Variants in EYA1 observed in about 807,000 individuals in gnomAD.
EYA1 encodes the protein protein phosphatase EYA1.
A neutral mutation model predicts 82.0 loss-of-function variants in EYA1; 16 were observed. The observed-to-expected ratio is 0.20, with a 90% confidence interval of 0.13 to 0.30. EYA1 has a LOEUF of 0.30. Ranked by LOEUF, EYA1 falls within the 10% of genes least tolerant of loss-of-function variation. The pLI is 1.00. For missense variants in EYA1, 633 were observed against 730.7 expected (o/e 0.87, Z 1.54); for synonymous variants, 261 against 264.4 (o/e 0.99, Z 0.12).
chr8:71,495,690 A>C (rs1811361670), intron 2 of EYA1, among the ~76,000 whole-genome samples: 1 of 152,226 alleles, frequency 6.6e-6, no homozygotes, highest in South Asian at 2.1e-4. Context: ...TTCAGTTGTA[A>C]GACAACATTC....
chr8:71,353,486 C>T (rs6992926), intron 3 of EYA1, among the ~76,000 whole-genome samples: 17 of 151,964 alleles, frequency 1.1e-4, no homozygotes, highest in Non-Finnish European at 2.2e-4. Context: ...CTGCTACATC[C>T]GCAAAATTTC....
intron 7 of EYA1, among the ~76,000 whole-genome samples, chr8:71,308,534 T>C (rs1820974417): frequency 6.6e-6 from 1 of 151,990 alleles, no homozygotes; most frequent in South Asian, 2.1e-4. Context: ...TAAGCAATTT[T>C]AGTTTTAAAA....
intron 7 of EYA1, 34 bp from the exon 8 acceptor site, chr8:71,299,754 A>ACAAGCCTGGTATAATC: frequency 1.8e-6 from 2 of 1,129,938 alleles, no homozygotes; most frequent in Non-Finnish European, 2.7e-6. Context: ...CGATTATACC[A>ACAAGCCTGGTATAATC]GGCTTGTGGA....
chr8:71,546,947 G>A (rs1815662607), intron 1 of EYA1, among the ~76,000 whole-genome samples: 1 of 152,186 alleles, frequency 6.6e-6, no homozygotes, highest in Non-Finnish European at 1.5e-5. Flanking sequence ...AACAACAAAA[G>A]TCTGGTGGGC....
rs59415843 is a variant in EYA1, at chr8:71,423,165, G to T, written c.34-66654C>A. On this transcript the variant is annotated intron_variant, in intron 2 of 18. Coordinates refer to the EYA1 transcript ENST00000643681. ...TTTCAAATTGTTGTTATTGGGTATG[G>T]GGGTGTCTTTGCTATCATTCCAAAA... Among the ~76,000 whole-genome samples the T allele has an allele frequency of 1.2e-4, 18 of 152,226 alleles. 1 individual carries two copies. Among genetic ancestry groups the T allele is most frequent in the African/African-American group, 4.3e-4 (18 of 41,536 alleles).
intron 2 of EYA1, among the ~76,000 whole-genome samples, chr8:71,418,889 C>T (rs1246538115): frequency 2.0e-5 from 3 of 152,034 alleles, no homozygotes; most frequent in African/African-American, 7.2e-5. Context: ...GGATGGGGAC[C>T]TAAAGGAAGT....
intron 9 of EYA1, among the ~76,000 whole-genome samples, chr8:71,274,823 T>A (rs1816932838): frequency 6.6e-6 from 1 of 151,714 alleles, no homozygotes; most frequent in African/African-American, 2.4e-5. Context: ...GGAATATGAC[T>A]GTGTTCCAGA....
At chr8:71,468,742 A>T (rs1284494765) in intron 2 of EYA1, among the ~76,000 whole-genome samples, 1 of 152,116 alleles carries the variant, frequency 6.6e-6, no homozygotes, top group Non-Finnish European at 1.5e-5. Flanking sequence ...TTCCGGGTTC[A>T]CCATGACAAC....
intron 12 of EYA1, among the ~76,000 whole-genome samples, chr8:71,223,353 C>T (rs1175159268): frequency 1.3e-5 from 2 of 152,148 alleles, no homozygotes; most frequent in Non-Finnish European, 2.9e-5. Flanking sequence ...TCAGTAAATA[C>T]CAAAATTGAA....
chr8:71,356,561 G>C (rs1826902019), intron 1 of EYA1, 50 bp from the exon 2 acceptor site: 1 of 1,544,898 alleles, frequency 6.5e-7, no homozygotes, highest in Admixed American at 2.0e-5. Flanking sequence ...CTGCTTCAGT[G>C]TCAGCTCTTA....
intron 6 of EYA1, among the ~76,000 whole-genome samples, chr8:71,319,593 T>C (rs1300638596): frequency 6.6e-6 from 1 of 152,122 alleles, no homozygotes; most frequent in East Asian, 1.9e-4. Context: ...ACTGGCAGAC[T>C]CCAAGCAGAT....
intron 2 of EYA1, among the ~76,000 whole-genome samples, chr8:71,455,593 G>T (rs991285007): frequency 6.6e-6 from 1 of 152,164 alleles, no homozygotes; most frequent in East Asian, 1.9e-4. Flanking sequence ...GGGATGCAAG[G>T]CTGGTTCAAT....
At chr8:71,492,759 C>A (rs1811116353) in intron 2 of EYA1, among the ~76,000 whole-genome samples, 1 of 152,120 alleles carries the variant, frequency 6.6e-6, no homozygotes, top group South Asian at 2.1e-4. Flanking sequence ...GCCACTGCGC[C>A]CGGCCTTTTC....
intron 12 of EYA1, among the ~76,000 whole-genome samples, chr8:71,234,714 A>C (rs1811622948): frequency 6.6e-6 from 1 of 151,514 alleles, no homozygotes; most frequent in Non-Finnish European, 1.5e-5. Context: ...CCCCCTTCTC[A>C]ATTTTTCATT....
At chr8:71,301,799 A>C (rs1820226982) in intron 7 of EYA1, among the ~76,000 whole-genome samples, 1 of 152,200 alleles carries the variant, frequency 6.6e-6, no homozygotes, top group Admixed American at 6.5e-5. Context: ...TGGTAATTAC[A>C]TGCAAAGGAA....
chr8:71,487,654 T>C (rs952415880), intron 2 of EYA1, among the ~76,000 whole-genome samples: 12 of 152,170 alleles, frequency 7.9e-5, no homozygotes, highest in Admixed American at 3.3e-4. Flanking sequence ...ATTCAATTTT[T>C]TAATGGGCAA....
At chr8:71,242,037 C>T (rs557178294) in intron 12 of EYA1, among the ~76,000 whole-genome samples, 1 of 151,926 alleles carries the variant, frequency 6.6e-6, no homozygotes, top group Non-Finnish European at 1.5e-5. Flanking sequence ...GAAGAAACAC[C>T]GTTTCTACTA....
At chr8:71,475,906 A>T (rs2129206322) in intron 2 of EYA1, among the ~76,000 whole-genome samples, 1 of 152,342 alleles carries the variant, frequency 6.6e-6, no homozygotes, top group African/African-American at 2.4e-5. Flanking sequence ...ATTTTTAGTT[A>T]TCACTAAATA....
intron 2 of EYA1, among the ~76,000 whole-genome samples, chr8:71,379,241 G>C (rs566224040): frequency 1.3e-5 from 2 of 152,176 alleles, no homozygotes; most frequent in African/African-American, 4.8e-5. Context: ...AGACCATAGA[G>C]GACCAGCCAC....
Sources: allele counts gnomAD v4.1 joint callset (sites outside exome capture counted in the v4.1 genomes callset), GRCh38; gene constraint gnomAD v4.1.1; transcripts MANE v1.5; gene names NCBI Gene and HGNC (gene_info 2026-07-23, HGNC 2026-07-21).